Variants in ANKFN1 observed in about 807,000 individuals in gnomAD.
ANKFN1 encodes the protein ankyrin repeat and fibronectin type III domain containing 1.
In ANKFN1, 74 loss-of-function variants were observed where a neutral mutation model predicts 108.7. The observed-to-expected ratio is 0.68, with a 90% CI of 0.56 to 0.83. ANKFN1 has a LOEUF of 0.83. Ranked by LOEUF, ANKFN1 falls within the 40% of genes least tolerant of loss-of-function variation. The pLI is 0.00. For synonymous variants in ANKFN1, 547 were observed against 516.2 expected (o/e 1.06, Z -0.81); for missense variants, 1,505 against 1,382.3 (o/e 1.09, Z -1.41).
intron 16 of ANKFN1, 37 bp downstream of exon 16, chr17:56,477,691 A>AAC (rs752113486): frequency 2.9e-5 from 47 of 1,599,940 alleles, no homozygotes; most frequent in Non-Finnish European, 3.8e-5. Context: ...CTTGTGATGA[A>AAC]ACAGTGGCTC....
At chr17:56,285,442 C>G (rs536723404) in intron 3 of ANKFN1, among the ~76,000 whole-genome samples, 3 of 152,294 alleles carry the variant, frequency 2.0e-5, no homozygotes, top group African/African-American at 7.2e-5. Context: ...CTCCAGATGA[C>G]TCCTTTATGC....
At chr17:56,262,812 A>T (rs1367114043) in intron 3 of ANKFN1, among the ~76,000 whole-genome samples, 3 of 151,514 alleles carry the variant, frequency 2.0e-5, no homozygotes, top group South Asian at 2.1e-4. Flanking sequence ...ATACCCCCTC[A>T]CAGAGCAGTA....
At chr17:56,133,050 C>A (rs1293205212) in intron 4 of ANKFN1, among the ~76,000 whole-genome samples, 1 of 152,120 alleles carries the variant, frequency 6.6e-6, no homozygotes, top group Non-Finnish European at 1.5e-5. Flanking sequence ...TCTGTTTACA[C>A]GTGAGAGATT....
chr17:56,399,776 A>G (rs140316572), intron 8 of ANKFN1, among the ~76,000 whole-genome samples: 2,153 of 150,802 alleles, frequency 0.014, 46 homozygotes, highest in African/African-American at 0.05. Flanking sequence ...ATAGTCTCCA[A>G]TCTCATCCAG....
At chr17:56,266,615 A>T (rs2043659332) in intron 3 of ANKFN1, among the ~76,000 whole-genome samples, 1 of 151,992 alleles carries the variant, frequency 6.6e-6, no homozygotes, top group Non-Finnish European at 1.5e-5. Context: ...CAGTGTAGAC[A>T]TTCCTACAAG....
intron 8 of ANKFN1, among the ~76,000 whole-genome samples, chr17:56,398,593 A>T (rs184558951): frequency 2.2e-4 from 33 of 152,308 alleles, no homozygotes; most frequent in African/African-American, 7.7e-4. Context: ...GATCCTGCAT[A>T]AATTTAGTAT....
intron 16 of ANKFN1, among the ~76,000 whole-genome samples, chr17:56,479,208 C>G (rs909562174): frequency 3.9e-5 from 6 of 152,158 alleles, no homozygotes; most frequent in Non-Finnish European, 8.8e-5. Context: ...ACAAAAGATT[C>G]CAGTAGCCTT....
At chr17:56,149,536 C>T (rs931591855), upstream of ANKFN1, among the ~76,000 whole-genome samples, 2 of 152,172 alleles carry the variant, frequency 1.3e-5, no homozygotes, top group African/African-American at 4.8e-5. Context: ...CAGGCTTAAA[C>T]AGAGAGGGCT....
At chr17:56,454,660 G>A (rs1005194100) in intron 11 of ANKFN1, among the ~76,000 whole-genome samples, 10 of 152,168 alleles carry the variant, frequency 6.6e-5, no homozygotes, top group African/African-American at 9.7e-5. Context: ...CTTTGGGTAC[G>A]TTCTCTTAGG....
chr17:56,131,135 A>T (rs1287158469), intron 4 of ANKFN1, among the ~76,000 whole-genome samples: 1 of 152,218 alleles, frequency 6.6e-6, no homozygotes, highest in Non-Finnish European at 1.5e-5. Context: ...AGAAAATTCC[A>T]GGCAGATAAA....
intron 1 of ANKFN1, among the ~76,000 whole-genome samples, chr17:56,200,587 C>A (rs1008453298): frequency 1.3e-5 from 2 of 152,192 alleles, no homozygotes; most frequent in African/African-American, 4.8e-5. Flanking sequence ...AGCTCAACTC[C>A]CTCTTGCCCT....
chr17:56,280,078 C>G (rs570969663), intron 3 of ANKFN1, among the ~76,000 whole-genome samples: 12 of 149,410 alleles, frequency 8.0e-5, no homozygotes, highest in African/African-American at 2.8e-4. Context: ...GGTGCGATCT[C>G]AGCTCACTGC....
Position 56,374,583 on chromosome 17 carries a change from T to G in ANKFN1, c.797-18T>G, listed in dbSNP as rs753206723. The G allele has an allele frequency of 5.7e-6, 9 of 1,582,828 alleles. No homozygotes were observed. The highest frequency in any genetic ancestry group is 1.7e-6 in the Non-Finnish European group (2 of 1,152,346). On this transcript the variant is annotated intron_variant, in intron 7 of 20. Coordinates refer to ENST00000682825, the MANE Select transcript of ANKFN1 (RefSeq NM_001370326.1). ...GATTTGCTATGTTAAGATCCTTGTGTTTTTCCTTCTGTCCCAGGAGCCCCT... is the reference window on the plus strand; with the variant it reads ...GATTTGCTATGTTAAGATCCTTGTGGTTTTCCTTCTGTCCCAGGAGCCCCT...
chr17:56,415,401 T>C (rs934268091), intron 8 of ANKFN1, among the ~76,000 whole-genome samples: 3 of 152,236 alleles, frequency 2.0e-5, no homozygotes, highest in Non-Finnish European at 2.9e-5. Context: ...CAAAAATCAG[T>C]AGCATTTCTG....
intron 4 of ANKFN1, among the ~76,000 whole-genome samples, chr17:56,101,902 T>C (rs760579878): frequency 2.0e-5 from 3 of 152,190 alleles, no homozygotes; most frequent in Non-Finnish European, 4.4e-5. Context: ...CTATAAGATC[T>C]GTGTTTCAAA....
At position 56,432,795 on chromosome 17, in the gene ANKFN1, T is replaced by C. The variant is rs529414799; in HGVS notation, c.911-7532T>C. 6.6e-5 allele frequency among the ~76,000 whole-genome samples: 10 copies of C among 152,346 alleles called. No individual in the cohort carries two copies. The South Asian group carries it at 2.1e-3, about 32-fold the overall frequency. ...TGCCACTCCTGTGTCCTAAAGGGAT[T>C]TGAGTACCTCATTCTTGACTCCTGA... is the stretch of plus-strand genomic sequence containing the variant. On this transcript the variant is annotated intron_variant, in intron 8 of 20. Transcript: ENST00000682825.
rs567014313 is a variant in ANKFN1, at chr17:56,063,143, C to G, written c.288+16818C>G. 7.9e-5 allele frequency among the ~76,000 whole-genome samples: 12 copies of G among 152,232 alleles called. No homozygotes were observed. The South Asian group carries it at 8.3e-4, about 11-fold the overall frequency. On this transcript the variant is annotated intron_variant, in intron 4 of 12. Coordinates refer to the ANKFN1 transcript ENST00000635860. ...TTTTTAGGTGACGTGGCCTTTCTCT[C>G]AGGCTGCCCTTAATATTTTTCTCAG...
At chr17:56,474,182 C>T (rs917337295) in intron 15 of ANKFN1, among the ~76,000 whole-genome samples, 8 of 152,264 alleles carry the variant, frequency 5.3e-5, no homozygotes, top group Middle Eastern at 3.4e-3. Context: ...ACAGACTGGT[C>T]CTCAGGACCA....
intron 3 of ANKFN1, among the ~76,000 whole-genome samples, chr17:56,262,308 C>G (rs1165916219): frequency 6.6e-6 from 1 of 152,186 alleles, no homozygotes; most frequent in East Asian, 1.9e-4. Context: ...TGGCCTGTTC[C>G]ATTTAAGACT....
Sources: gnomAD v4.1 joint callset for allele counts (sites outside exome capture counted in the v4.1 genomes callset) on GRCh38, gnomAD v4.1.1 for gene constraint, MANE v1.5 for transcripts, NCBI Gene and HGNC (gene_info 2026-07-23, HGNC 2026-07-21) for gene names.